Variants in CCNY observed in about 807,000 individuals in gnomAD.
CCNY encodes the protein cyclin-Y.
In CCNY, 19 loss-of-function variants were observed where a neutral mutation model predicts 42.8. That is an observed-to-expected ratio of 0.44 (90% CI 0.31 to 0.65). The LOEUF (loss-of-function observed/expected upper bound fraction) is 0.65. Among genes scored for constraint, CCNY ranks in the 30% least tolerant of loss-of-function variants. The pLI is 0.07. For synonymous variants in CCNY, 165 were observed against 162.7 expected (o/e 1.01, Z -0.11); for missense variants, 370 against 437.3 (o/e 0.85, Z 1.37).
intron 7 of CCNY, among the ~76,000 whole-genome samples, chr10:35,540,820 T>A (rs989484879): frequency 6.6e-6 from 1 of 152,226 alleles, no homozygotes; most frequent in Non-Finnish European, 1.5e-5. Flanking sequence ...TGTTCCACAG[T>A]ATTCCTTTAT....
At chr10:35,293,343 C>T (rs900203464) in intron 3 of CCNY, among the ~76,000 whole-genome samples, 13 of 152,148 alleles carry the variant, frequency 8.5e-5, no homozygotes, top group African/African-American at 2.9e-4. Flanking sequence ...TATGCCAAAA[C>T]CATACTGTCT....
chr10:35,268,053 T>C (rs1306686572), intron 3 of CCNY, among the ~76,000 whole-genome samples: 1 of 152,050 alleles, frequency 6.6e-6, no homozygotes, highest in Non-Finnish European at 1.5e-5. Flanking sequence ...GCCTCCCAAG[T>C]AGCTGGGATT....
intron 1 of CCNY, among the ~76,000 whole-genome samples, chr10:35,444,845 G>A (rs1430003371): frequency 6.6e-6 from 1 of 152,202 alleles, no homozygotes; most frequent in Non-Finnish European, 1.5e-5. Context: ...GAGAGGTAGA[G>A]ATGCTAGGAT....
chr10:35,528,429 C>T (rs902341950), intron 5 of CCNY, among the ~76,000 whole-genome samples: 14 of 152,136 alleles, frequency 9.2e-5, no homozygotes, highest in Admixed American at 2.0e-4. Context: ...TGTGGCTGAG[C>T]GCAGTGGCTT....
At chr10:35,389,127 G>T (rs1363764430) in intron 1 of CCNY, among the ~76,000 whole-genome samples, 2 of 152,162 alleles carry the variant, frequency 1.3e-5, no homozygotes, top group Non-Finnish European at 2.9e-5. Context: ...CATCTTTGGG[G>T]ACGTTATTCT....
In CCNY at chr10:35,255,325, CT is replaced by C. The variant is rs71033387; in HGVS notation, c.-9+4712del. 3.3e-3 allele frequency among the ~76,000 whole-genome samples: 470 copies of C among 140,418 alleles called. 1 individual carries two copies. Among genetic ancestry groups the C allele is most frequent in the South Asian group, 6.8e-3 (30 of 4,440 alleles). The allele number at this position is 140,418 out of a possible 152,430, so 92.1% of individuals were successfully genotyped here. Reference sequence around the variant, plus strand: ...GTGCATAGATATTTATAATTTTTTTCTTTTTTTTTTTTTGAGACAGAGTCCC... The same window carrying C: ...GTGCATAGATATTTATAATTTTTTTCTTTTTTTTTTTTGAGACAGAGTCCC... On this transcript the variant is annotated intron_variant, in intron 3 of 11. Transcript: ENST00000374706.
At chr10:35,565,901 A>T in intron 8 of CCNY, 122 bp from the exon 9 acceptor site, 1 of 941,148 alleles carries the variant, frequency 1.1e-6, no homozygotes, top group Non-Finnish European at 1.6e-6. Flanking sequence ...ACATTTACTT[A>T]GATCACTGGT....
rs555433941 is a variant in CCNY, at chr10:35,373,637, A to T, written c.154+36430A>T. 1.5e-3 allele frequency among the ~76,000 whole-genome samples: 229 copies of T among 152,318 alleles called. 1 individual carries two copies. The highest frequency in any genetic ancestry group is 2.7e-3 in the Non-Finnish European group (184 of 68,020). On this transcript the variant is annotated intron_variant, in intron 1 of 9. Transcript: ENST00000374704. ...TTCCTTCAACCTGTGGATGCCTAGGATGAAGACCTTTATAATGATCCACTT... is the reference window on the plus strand; with the variant it reads ...TTCCTTCAACCTGTGGATGCCTAGGTTGAAGACCTTTATAATGATCCACTT...
intron 7 of CCNY, among the ~76,000 whole-genome samples, chr10:35,552,763 G>A (rs752081063): frequency 6.6e-5 from 10 of 152,232 alleles, no homozygotes; most frequent in Non-Finnish European, 1.5e-4. Flanking sequence ...AAATTAGCCT[G>A]TGCTTCCTGG....
rs145166812 is a variant in CCNY, at chr10:35,426,431, A to G, written c.155-56973A>G. Reference sequence around the variant, plus strand: ...GAGACCCCAGAAAACACCACAGTTCAAACTCTGTTTAGTGTTGGTGCACAT... The same window carrying G: ...GAGACCCCAGAAAACACCACAGTTCGAACTCTGTTTAGTGTTGGTGCACAT... On this transcript the variant is annotated intron_variant, in intron 1 of 9. Transcript: ENST00000374704. Among the ~76,000 whole-genome samples the G allele has an allele frequency of 3.9e-5, 6 of 152,318 alleles. No individual in the cohort carries two copies. The East Asian group carries it at 1.2e-3, about 29-fold the overall frequency.
At chr10:35,426,262 A>AAC (rs1045392776) in intron 1 of CCNY, among the ~76,000 whole-genome samples, 2 of 149,310 alleles carry the variant, frequency 1.3e-5, no homozygotes, top group Non-Finnish European at 3.0e-5. Flanking sequence ...CAAACACACA[A>AAC]ACACACACAC....
intron 2 of CCNY, 72 bp from the exon 3 acceptor site, chr10:35,501,429 C>T: frequency 1.5e-6 from 2 of 1,300,806 alleles, no homozygotes; most frequent in Non-Finnish European, 2.2e-6. Flanking sequence ...CACAGAGGCC[C>T]AGTCCTCATC....
At chr10:35,256,758 A>AC (rs55977013) in intron 3 of CCNY, among the ~76,000 whole-genome samples, 2 of 149,776 alleles carry the variant, frequency 1.3e-5, no homozygotes, top group Non-Finnish European at 3.0e-5. Context: ...AAAAAAAAAA[A>AC]AAAATTCCAC....
chr10:35,499,721 G>T (rs1191634140), intron 2 of CCNY, among the ~76,000 whole-genome samples: 2 of 152,098 alleles, frequency 1.3e-5, no homozygotes, highest in Admixed American at 1.3e-4. Context: ...TGTCTCTTTT[G>T]CACAAACCTA....
intron 1 of CCNY, among the ~76,000 whole-genome samples, chr10:35,430,804 T>C (rs1291128551): frequency 6.6e-6 from 1 of 152,154 alleles, no homozygotes. Context: ...GTTACGTATA[T>C]AGAATTTTTA....
At chr10:35,350,117 G>T (rs947492733) in intron 1 of CCNY, among the ~76,000 whole-genome samples, 1 of 152,176 alleles carries the variant, frequency 6.6e-6, no homozygotes, top group Non-Finnish European at 1.5e-5. Flanking sequence ...TTCTAAGATG[G>T]TGTTCCTAAT....
intron 7 of CCNY, among the ~76,000 whole-genome samples, chr10:35,550,282 A>G (rs1369192427): frequency 6.6e-6 from 1 of 151,406 alleles, no homozygotes; most frequent in Non-Finnish European, 1.5e-5. Flanking sequence ...CCGTGACCCT[A>G]CAGTGCTTGT....
At chr10:35,531,541 T>G (rs541087446) in intron 7 of CCNY, among the ~76,000 whole-genome samples, 1 of 152,380 alleles carries the variant, frequency 6.6e-6, no homozygotes, top group South Asian at 2.1e-4. Context: ...CCAGCTTTGT[T>G]CCTCAAAGGG....
chr10:35,326,108 G>A (rs1332581814), intron 3 of CCNY, among the ~76,000 whole-genome samples: 1 of 151,832 alleles, frequency 6.6e-6, no homozygotes, highest in African/African-American at 2.4e-5. Flanking sequence ...CTGAGATACA[G>A]TTTACATAAA....
Sources: allele counts gnomAD v4.1 joint callset (sites outside exome capture counted in the v4.1 genomes callset), GRCh38; gene constraint gnomAD v4.1.1; transcripts MANE v1.5; gene names NCBI Gene and HGNC (gene_info 2026-07-23, HGNC 2026-07-21).